Variants in ROBO1 observed in about 807,000 individuals in gnomAD.
The protein encoded by ROBO1 is roundabout homolog 1.
In ROBO1, 149 loss-of-function variants were observed where a neutral mutation model predicts 195.9. The ratio of observed to expected loss-of-function variants is 0.76; its 90% CI spans 0.67 to 0.87. The LOEUF is 0.87. Among genes scored for constraint, ROBO1 ranks in the 40% least tolerant of loss-of-function variants. The pLI, the probability that ROBO1 is intolerant of heterozygous loss-of-function variation, is 0.00. For missense variants in ROBO1, 1,933 were observed against 2,068.3 expected (o/e 0.93, Z 1.27); for synonymous variants, 816 against 733.2 (o/e 1.11, Z -1.82).
At position 78,915,355 on chromosome 3, in the gene ROBO1, C is replaced by A. The variant is rs990570942; in HGVS notation, c.499+23246G>T. Among the ~76,000 whole-genome samples the A allele has an allele frequency of 2.0e-4, 31 of 152,182 alleles. 1 individual carries two copies. The highest frequency in any genetic ancestry group is 6.5e-4 in the African/African-American group (27 of 41,538). On this transcript the variant is annotated intron_variant, in intron 4 of 30. Coordinates refer to ENST00000464233, the MANE Select transcript of ROBO1 (RefSeq NM_002941.4). ...CAGGTGTTTCCGATTTAATTTTAAC[C>A]GCTTCTGACAAAAGTTTAAAGATAT... is the stretch of plus-strand genomic sequence containing the variant.
At chr3:79,350,762 A>T (rs375724573) in intron 2 of ROBO1, among the ~76,000 whole-genome samples, 3 of 152,172 alleles carry the variant, frequency 2.0e-5, no homozygotes, top group African/African-American at 7.2e-5. Context: ...AAAGTAGATT[A>T]GTGTATTTTT....
At chr3:79,154,252 C>A (rs1165831713) in intron 2 of ROBO1, among the ~76,000 whole-genome samples, 3 of 151,730 alleles carry the variant, frequency 2.0e-5, no homozygotes, top group African/African-American at 4.8e-5. Context: ...AAAGTCTTTA[C>A]AATCTTGGTT....
chr3:79,161,977 C>A (rs1217720796), intron 2 of ROBO1, among the ~76,000 whole-genome samples: 1 of 152,132 alleles, frequency 6.6e-6, no homozygotes, highest in African/African-American at 2.4e-5. Context: ...AATCAGTCAC[C>A]ATGGAGGTGA....
chr3:78,842,096 A>G (rs2033245993), intron 4 of ROBO1, among the ~76,000 whole-genome samples: 1 of 148,448 alleles, frequency 6.7e-6, no homozygotes, highest in South Asian at 2.1e-4. Flanking sequence ...GCTGCCTGTC[A>G]GGCCATCTGC....
intron 3 of ROBO1, among the ~76,000 whole-genome samples, chr3:79,036,669 G>A (rs1465688768): frequency 6.6e-6 from 1 of 151,998 alleles, no homozygotes; most frequent in African/African-American, 2.4e-5. Flanking sequence ...GAAAAAAAAA[G>A]AGATATTGAC....
chr3:78,877,626 C>T (rs937329737), intron 4 of ROBO1, among the ~76,000 whole-genome samples: 3 of 152,126 alleles, frequency 2.0e-5, no homozygotes, highest in African/African-American at 7.2e-5. Context: ...AGCATTATTG[C>T]ACACTTCTAA....
intron 2 of ROBO1, among the ~76,000 whole-genome samples, chr3:79,315,555 G>T (rs1213924853): frequency 6.6e-6 from 1 of 152,148 alleles, no homozygotes; most frequent in Non-Finnish European, 1.5e-5. Flanking sequence ...AATAAAAGTG[G>T]GAATGAGAAC....
intron 22 of ROBO1, among the ~76,000 whole-genome samples, chr3:78,637,846 T>C (rs1399482104): frequency 6.6e-6 from 1 of 152,204 alleles, no homozygotes; most frequent in Non-Finnish European, 1.5e-5. Flanking sequence ...TTGTTCTTTA[T>C]AGTGCATAGC....
chr3:79,534,150 A>G (rs867045643), intron 2 of ROBO1, among the ~76,000 whole-genome samples: 36 of 6,850 alleles, frequency 5.3e-3, no homozygotes, highest in African/African-American at 0.011. Flanking sequence ...GGGGAAGGCA[A>G]AAAAAAAAAA....
chr3:78,733,294 C>T (rs2082322247), intron 5 of ROBO1, among the ~76,000 whole-genome samples: 1 of 151,962 alleles, frequency 6.6e-6, no homozygotes, highest in Non-Finnish European at 1.5e-5. Context: ...AAACTAAAAG[C>T]CTTAAGAAAA....
intron 2 of ROBO1, among the ~76,000 whole-genome samples, chr3:79,522,643 C>G (rs1047972470): frequency 6.6e-6 from 1 of 152,072 alleles, no homozygotes. Flanking sequence ...CTTAATAAAC[C>G]CCTTTTGGAA....
intron 3 of ROBO1, among the ~76,000 whole-genome samples, chr3:78,982,859 T>C (rs561737886): frequency 8.9e-4 from 135 of 152,124 alleles, no homozygotes; most frequent in Non-Finnish European, 1.8e-3. Flanking sequence ...CCTCAAGTGA[T>C]CCACCGGCCA....
At chr3:79,048,754 AG>A (rs766885770) in intron 3 of ROBO1, among the ~76,000 whole-genome samples, 5 of 152,168 alleles carry the variant, frequency 3.3e-5, no homozygotes, top group Admixed American at 1.3e-4. Flanking sequence ...CCAGGCAAAC[AG>A]GGTCTGGAGG....
At chr3:79,283,303 A>AC (rs2031651332) in intron 2 of ROBO1, among the ~76,000 whole-genome samples, 2 of 152,158 alleles carry the variant, frequency 1.3e-5, no homozygotes, top group Admixed American at 6.5e-5. Context: ...GATCAGTCGT[A>AC]CCCCAAACCT....
intron 2 of ROBO1, among the ~76,000 whole-genome samples, chr3:79,200,742 A>T (rs2081747480): frequency 1.3e-5 from 2 of 151,924 alleles, no homozygotes; most frequent in Non-Finnish European, 2.9e-5. Context: ...ATAACCAAAC[A>T]ATGTTTAGTC....
intron 2 of ROBO1, among the ~76,000 whole-genome samples, chr3:79,358,097 A>T (rs142184289): frequency 1.6e-3 from 245 of 152,156 alleles, no homozygotes; most frequent in African/African-American, 5.6e-3. Context: ...TGGCTTCGTC[A>T]CTTACATAGC....
At chr3:79,024,954 C>T (rs1451501030) in intron 3 of ROBO1, among the ~76,000 whole-genome samples, 1 of 152,122 alleles carries the variant, frequency 6.6e-6, no homozygotes, top group Non-Finnish European at 1.5e-5. Context: ...CAGATTATGC[C>T]TCTCCTCTGC....
intron 3 of ROBO1, among the ~76,000 whole-genome samples, chr3:79,047,695 T>A (rs992230668): frequency 6.6e-6 from 1 of 152,130 alleles, no homozygotes; most frequent in Non-Finnish European, 1.5e-5. Context: ...GTATGTCATG[T>A]GTCACTATAG....
At chr3:79,693,532 G>C (rs938648234) in intron 1 of ROBO1, among the ~76,000 whole-genome samples, 1 of 151,604 alleles carries the variant, frequency 6.6e-6, no homozygotes, top group Admixed American at 6.6e-5. Context: ...GAACTCTTGG[G>C]CTGAAGCAAT....
Sources: allele counts gnomAD v4.1 joint callset (sites outside exome capture counted in the v4.1 genomes callset), GRCh38; gene constraint gnomAD v4.1.1; transcripts MANE v1.5; gene names NCBI Gene and HGNC (gene_info 2026-07-23, HGNC 2026-07-21).